PES1: variants seen among roughly 807,000 people sequenced by gnomAD.
The protein encoded by PES1 is pescadillo homolog.
Under a neutral mutation model 77.1 loss-of-function variants are expected in PES1, and 31 were observed. The ratio of observed to expected loss-of-function variants is 0.40; its 90% confidence interval spans 0.30 to 0.54. The LOEUF is 0.54. Among genes scored for constraint, PES1 ranks in the 20% least tolerant of loss-of-function variants. The pLI, the probability that PES1 is intolerant of heterozygous loss-of-function variation, is 0.45. For missense variants in PES1, 658 were observed against 771.7 expected (o/e 0.85, Z 1.75); for synonymous variants, 282 against 303.0 (o/e 0.93, Z 0.72).
intron 9 of PES1, 52 bp downstream of exon 9, chr22:30,580,960 C>A: frequency 6.7e-7 from 1 of 1,491,578 alleles, no homozygotes; most frequent in Non-Finnish European, 9.3e-7. Flanking sequence ...GCTGGGAAAC[C>A]CCCCACACGA....
At chr22:30,590,077 A>G (rs1403101595) in intron 1 of PES1, among the ~76,000 whole-genome samples, 1 of 152,180 alleles carries the variant, frequency 6.6e-6, no homozygotes, top group Non-Finnish European at 1.5e-5. Flanking sequence ...CATTCAACAG[A>G]CAATAACAGG....
At chr22:30,579,706 G>T (rs751998038) in intron 12 of PES1, 45 bp downstream of exon 12, 1 of 1,577,598 alleles carries the variant, frequency 6.3e-7, no homozygotes, top group Non-Finnish European at 8.7e-7. Context: ...GAAACAGCCA[G>T]CGTGGGCCCA....
At position 30,591,898 on chromosome 22, in the gene PES1, C is replaced by T; in HGVS notation, c.-65G>A. 5.2e-6 allele frequency: 8 copies of T among 1,524,848 alleles called. No individual in the cohort carries two copies. The highest frequency in any genetic ancestry group is 7.0e-6 in the Non-Finnish European group (8 of 1,138,534). 94.5% of individuals were successfully genotyped at this position (1,524,848 alleles called of 1,614,324 possible). On this transcript the variant is annotated 5_prime_UTR_variant, in exon 1 of 15. Transcript: ENST00000354694. The stretch of plus-strand genomic sequence containing the variant: ...GGAGCTCCACTTCCTCCCGCACGTG[C>T]CCTGCCAAGGACCCCGAGGACCCTC...
chr22:30,592,669 C>T (rs2087200789), upstream of PES1, among the ~76,000 whole-genome samples: 1 of 152,136 alleles, frequency 6.6e-6, no homozygotes, highest in Non-Finnish European at 1.5e-5. Context: ...TGGTGGCACA[C>T]GCCTGTAATC....
chr22:30,591,896 T>G lies in PES1; in HGVS notation c.-63A>C, dbSNP rs2087185646. ...AGGGAGCTCCACTTCCTCCCGCACG[T>G]GCCCTGCCAAGGACCCCGAGGACCC... On this transcript the variant is annotated 5_prime_UTR_variant, in exon 1 of 15. Coordinates refer to ENST00000354694, the MANE Select transcript of PES1 (RefSeq NM_014303.4). 24 of 1,526,512 alleles carry G rather than the reference T, an allele frequency of 1.6e-5. No individual in the cohort carries two copies. The highest frequency in any genetic ancestry group is 2.0e-5 in the Non-Finnish European group (23 of 1,139,276). The allele number at this position is 1,526,512 out of a possible 1,614,324, so 94.6% of individuals were successfully genotyped here. A position where few individuals can be genotyped will look rare whatever the true frequency, so the allele number is the denominator to read the frequency against.
intron 2 of PES1, among the ~76,000 whole-genome samples, chr22:30,597,237 C>T (rs1425715940): frequency 2.0e-5 from 3 of 152,004 alleles, no homozygotes; most frequent in Non-Finnish European, 2.9e-5. Context: ...TGCCCAAGGG[C>T]TGAGGAGTGC....
At chr22:30,579,082 A>G in intron 13 of PES1, 55 bp downstream of exon 13, 1 of 1,604,392 alleles carries the variant, frequency 6.2e-7, no homozygotes, top group East Asian at 2.2e-5. Context: ...AGGCCAGAGC[A>G]GGCACCAAGC....
chr22:30,603,651 G>A (rs762675914), intron 2 of PES1: 1 of 152,074 alleles, frequency 6.6e-6, no homozygotes, highest in Non-Finnish European at 1.5e-5. Context: ...CAAAGTGCTG[G>A]GATTACAGGT....
chr22:30,588,193 C>T lies in PES1; in HGVS notation c.105-19G>A, dbSNP rs1253488874. 9.9e-6 allele frequency: 16 copies of T among 1,614,124 alleles called. No homozygotes were observed. In the South Asian group the frequency reaches 1.6e-4, roughly 17 times the overall value. On this transcript the variant is annotated intron_variant, in intron 2 of 14. Coordinates refer to ENST00000354694, the MANE Select transcript of PES1 (RefSeq NM_014303.4). ...CAGCCGCCTGGAAGACAGAGGCCAT[C>T]TGTTATGTCAGTTATGTGGGTAAAG...
chr22:30,579,674 C>A, intron 12 of PES1, 77 bp downstream of exon 12: 1 of 1,421,380 alleles, frequency 7.0e-7, no homozygotes, highest in Non-Finnish European at 9.8e-7. Context: ...TTCCCTGGAG[C>A]TTTCCACCTT....
intron 14 of PES1, among the ~76,000 whole-genome samples, chr22:30,577,790 C>T (rs568166730): frequency 1.2e-3 from 176 of 152,262 alleles, no homozygotes; most frequent in Non-Finnish European, 1.9e-3. Flanking sequence ...GCCACCATGC[C>T]CAGACCCATT....
chr22:30,598,666 T>G (rs1037439909), intron 2 of PES1, among the ~76,000 whole-genome samples: 5 of 152,046 alleles, frequency 3.3e-5, no homozygotes, highest in African/African-American at 1.2e-4. Context: ...TTACCTTAAG[T>G]GACCCCCGCA....
At chr22:30,580,534 G>T in intron 10 of PES1, 37 bp downstream of exon 10, 1 of 1,611,664 alleles carries the variant, frequency 6.2e-7, no homozygotes, top group Non-Finnish European at 8.5e-7. Context: ...GAGCATGGCC[G>T]AACCAATGCT....
Position 30,580,620 on chromosome 22 carries a change from A to G in PES1, c.994T>C (p.Phe332Leu). Reference protein sequence around the residue: ...KHKKLFEGLKFFLNREVPREA... With the variant: ...KHKKLFEGLKLFLNREVPREA... ...CGGGGCACCTCTCGGTTCAGGAAGA[A>G]CTTCAGGCCCTCAAAAAGCTTCTTG... The change falls in exon 10 of 15, where the codon TTC (phenylalanine) becomes CTC (leucine). Residue 332 changes from phenylalanine (F) to leucine (L), a missense_variant. Physicochemically the swap from Phe to Leu is conservative, Grantham distance 22. Coordinates refer to ENST00000354694, the MANE Select transcript of PES1 (RefSeq NM_014303.4). 1.9e-6 allele frequency: 3 copies of G among 1,613,760 alleles called. No homozygotes were observed. Among genetic ancestry groups the G allele is most frequent in the Non-Finnish European group, 2.5e-6 (3 of 1,180,010 alleles).
In PES1 at chr22:30,579,165, G is replaced by A. The variant is rs1395185489; in HGVS notation, c.1493C>T (p.Ala498Val). The A allele has an allele frequency of 1.9e-6, 3 of 1,608,670 alleles. No homozygotes were observed. Among genetic ancestry groups the A allele is most frequent in the Middle Eastern group, 1.7e-4 (1 of 6,060 alleles). ...SEKEEEARLAALEEQRMEGKK... is the reference protein window; with the variant it reads ...SEKEEEARLAVLEEQRMEGKK... ...CCCCTCCATCCTCTGCTCTTCCAGGGCTGCCAGCCGGGCCTCTTCCTCCTT... is the reference window on the plus strand; with the variant it reads ...CCCCTCCATCCTCTGCTCTTCCAGGACTGCCAGCCGGGCCTCTTCCTCCTT... The change falls in exon 13 of 15, where the codon GCC becomes GTC. Residue 498 changes from alanine (A) to valine (V), a missense_variant. Physicochemically the swap from Ala to Val is moderately conservative, Grantham distance 64. Coordinates refer to ENST00000354694, the MANE Select transcript of PES1 (RefSeq NM_014303.4).
chr22:30,606,177 T>C (rs1242947451), intron 1 of PES1, among the ~76,000 whole-genome samples: 1 of 152,194 alleles, frequency 6.6e-6, no homozygotes. Flanking sequence ...TTCCGAGTTC[T>C]GGCAAGTACC....
At chr22:30,581,727 T>G (rs940625179) in intron 6 of PES1, 83 bp from the exon 7 acceptor site, 1 of 943,146 alleles carries the variant, frequency 1.1e-6, no homozygotes, top group Non-Finnish European at 1.7e-6. Flanking sequence ...GAGTGGAGGG[T>G]GTCTGACCTA....
At chr22:30,592,071 A>G (rs944346329), upstream of PES1, 12 of 1,351,826 alleles carry the variant, frequency 8.9e-6, no homozygotes, top group African/African-American at 1.5e-4. Flanking sequence ...CCCGCTCACA[A>G]TGGTTACAAA....
chr22:30,584,267 C>T, intron 6 of PES1, 98 bp downstream of exon 6: 1 of 964,090 alleles, frequency 1.0e-6, no homozygotes, highest in Non-Finnish European at 1.6e-6. Flanking sequence ...GAACCCAGCA[C>T]TTGCTAAACT....
Sources: allele counts gnomAD v4.1 joint callset (sites outside exome capture counted in the v4.1 genomes callset), GRCh38; gene constraint gnomAD v4.1.1; transcripts MANE v1.5; gene names NCBI Gene and HGNC (gene_info 2026-07-23, HGNC 2026-07-21).